HIP1: variants seen among roughly 807,000 people sequenced by gnomAD.
HIP1 encodes huntingtin interacting protein 1, also known as huntingtin-interacting protein 1.
In HIP1, 65 loss-of-function variants were observed where a neutral mutation model predicts 147.6. The observed-to-expected ratio is 0.44, with a 90% CI of 0.36 to 0.54. HIP1 has a LOEUF of 0.54. Among genes scored for constraint, HIP1 ranks in the 20% least tolerant of loss-of-function variants. HIP1 has a pLI of 0.00. For synonymous variants in HIP1, 479 were observed against 504.0 expected (o/e 0.95, Z 0.67); for missense variants, 1,061 against 1,299.6 (o/e 0.82, Z 2.82).
intron 1 of HIP1, among the ~76,000 whole-genome samples, chr7:75,703,537 G>C (rs1342359749): frequency 6.6e-6 from 1 of 152,010 alleles, no homozygotes; most frequent in Non-Finnish European, 1.5e-5. Context: ...CAGCTACTCA[G>C]GAGGCTGAGG....
intron 13 of HIP1, 121 bp downstream of exon 13, chr7:75,561,208 C>A: frequency 1.2e-6 from 1 of 800,134 alleles, no homozygotes; most frequent in Non-Finnish European, 2.2e-6. Context: ...CCTGCCTTGG[C>A]CTCCCAAAGT....
chr7:75,690,918 A>C (rs1306755488), intron 1 of HIP1, among the ~76,000 whole-genome samples: 2 of 152,150 alleles, frequency 1.3e-5, no homozygotes, highest in Non-Finnish European at 2.9e-5. Context: ...CCACTCCTAG[A>C]TATGCATGTG....
chr7:75,583,893 G>T (rs1411430765), intron 5 of HIP1, among the ~76,000 whole-genome samples: 1 of 151,510 alleles, frequency 6.6e-6, no homozygotes, highest in African/African-American at 2.4e-5. Context: ...CTCCCGAAGT[G>T]CTGGGATTAC....
rs1022375570 is a variant in HIP1 at position 75,536,408 on chromosome 7, C to G, written c.*1764G>C. Reference sequence around the variant, plus strand: ...GTGATCAAACAGAAGTCTCACAACCCGTCATGTAGCAAAACCTAGCAATAT... The same window carrying G: ...GTGATCAAACAGAAGTCTCACAACCGGTCATGTAGCAAAACCTAGCAATAT... On this transcript the variant is annotated 3_prime_UTR_variant, in exon 31 of 31. Coordinates refer to ENST00000336926, the MANE Select transcript of HIP1 (RefSeq NM_005338.7). 6 of 225,350 alleles carry G rather than the reference C, an allele frequency of 2.7e-5. No homozygotes were observed. Among genetic ancestry groups the G allele is most frequent in the Non-Finnish European group, 5.3e-5 (6 of 113,074 alleles). The allele number at this position is 225,350 out of a possible 1,614,324, so 14.0% of individuals were successfully genotyped here.
intron 29 of HIP1, among the ~76,000 whole-genome samples, chr7:75,540,793 G>A (rs782251315): frequency 6.6e-6 from 1 of 152,024 alleles, no homozygotes; most frequent in Non-Finnish European, 1.5e-5. Context: ...AGAAATAATG[G>A]CATTGCCTTT....
intron 1 of HIP1, chr7:75,625,897 C>T (rs1179624): frequency 0.26 from 39,748 of 151,816 alleles, 5,430 homozygotes; most frequent in East Asian, 0.31. Context: ...ATGGTGAATC[C>T]CTGTCTCTTA....
chr7:75,709,898 TGA>T (rs1563306630), intron 1 of HIP1, among the ~76,000 whole-genome samples: 1 of 152,150 alleles, frequency 6.6e-6, no homozygotes, highest in African/African-American at 2.4e-5. Context: ...TCTTTGTTTT[TGA>T]GACATGGTGT....
intron 4 of HIP1, among the ~76,000 whole-genome samples, chr7:75,590,586 T>G (rs1796468621): frequency 6.6e-6 from 1 of 152,096 alleles, no homozygotes; most frequent in Admixed American, 6.5e-5. Flanking sequence ...AAATGCCCAG[T>G]TAAAAGACAA....
At chr7:75,573,189 A>C (rs1274473453) in intron 8 of HIP1, among the ~76,000 whole-genome samples, 1 of 152,182 alleles carries the variant, frequency 6.6e-6, no homozygotes, top group Non-Finnish European at 1.5e-5. Context: ...AGAGCTGAGC[A>C]GAGATGGGAC....
chr7:75,540,739 G>A (rs1234989309), intron 29 of HIP1, among the ~76,000 whole-genome samples: 5 of 151,928 alleles, frequency 3.3e-5, no homozygotes, highest in African/African-American at 9.7e-5. Context: ...AAAGGATCTC[G>A]CTGATACCTA....
intron 1 of HIP1, among the ~76,000 whole-genome samples, chr7:75,731,493 A>C (rs914385604): frequency 6.6e-6 from 1 of 151,672 alleles, no homozygotes; most frequent in East Asian, 1.9e-4. Flanking sequence ...AAAAAAAAAA[A>C]AAAAAACGCC....
intron 30 of HIP1, 58 bp downstream of exon 30, chr7:75,539,265 G>T: frequency 7.9e-7 from 1 of 1,261,196 alleles, no homozygotes; most frequent in Non-Finnish European, 1.2e-6. Context: ...GGAAGGCCCT[G>T]GCCACACAGC....
chr7:75,543,361 AT>A lies in HIP1; in HGVS notation c.2767-388del, dbSNP rs1300773989. On this transcript the variant is annotated intron_variant, in intron 27 of 30. Transcript: ENST00000336926. ...ATTGATGATATTGATTCAAAAAATA[AT>A]TTTTTTTTAGACAGAGTTTGCTCTT... Among the ~76,000 whole-genome samples the A allele has an allele frequency of 1.1e-3, 171 of 151,322 alleles. 4 individuals are homozygous for A. The highest frequency in any genetic ancestry group is 2.1e-4 in the South Asian group (1 of 4,770).
At chr7:75,574,190 G>C (rs1362343464) in intron 7 of HIP1, among the ~76,000 whole-genome samples, 1 of 152,104 alleles carries the variant, frequency 6.6e-6, no homozygotes, top group African/African-American at 2.4e-5. Flanking sequence ...CTACTCAGGA[G>C]GCTGAGGCAG....
At chr7:75,659,076 A>G (rs181566730) in intron 1 of HIP1, among the ~76,000 whole-genome samples, 1 of 152,344 alleles carries the variant, frequency 6.6e-6, no homozygotes, top group Admixed American at 6.5e-5. Flanking sequence ...GTGTCCTCAC[A>G]CACTGCTTTG....
chr7:75,638,988 G>A (rs1554510063), intron 1 of HIP1: 1 of 697,064 alleles, frequency 1.4e-6, no homozygotes, highest in African/African-American at 1.9e-5. Flanking sequence ...GGGGGAGAAG[G>A]GAGGGCGCCA....
chr7:75,715,086 C>T (rs752283928), intron 1 of HIP1, among the ~76,000 whole-genome samples: 12 of 152,194 alleles, frequency 7.9e-5, no homozygotes, highest in Non-Finnish European at 1.3e-4. Context: ...GTATGCACAT[C>T]GGGCAAGAAA....
chr7:75,619,802 A>G (rs1446865486), intron 1 of HIP1, among the ~76,000 whole-genome samples: 1 of 152,220 alleles, frequency 6.6e-6, no homozygotes, highest in Non-Finnish European at 1.5e-5. Flanking sequence ...ATACAAAACC[A>G]CATCTGTTAC....
intron 1 of HIP1, among the ~76,000 whole-genome samples, chr7:75,689,304 G>A (rs1271485483): frequency 2.6e-5 from 4 of 152,092 alleles, no homozygotes; most frequent in South Asian, 2.1e-4. Context: ...TCAGGAATTC[G>A]AGACCCGCCT....
Sources: gnomAD v4.1 joint callset for allele counts (sites outside exome capture counted in the v4.1 genomes callset) on GRCh38, gnomAD v4.1.1 for gene constraint, MANE v1.5 for transcripts, NCBI Gene and HGNC (gene_info 2026-07-23, HGNC 2026-07-21) for gene names.